PAPPA2: variants seen among roughly 807,000 people sequenced by gnomAD.
The protein encoded by PAPPA2 is pappalysin-2.
PAPPA2 carries 86 observed loss-of-function variants against 176.4 expected under a neutral mutation model. The observed-to-expected ratio is 0.49, with a 90% CI of 0.41 to 0.58. The LOEUF (loss-of-function observed/expected upper bound fraction) is 0.58, where lower values mean the gene tolerates loss of function less well. Among genes scored for constraint, PAPPA2 ranks in the 20% least tolerant of loss-of-function variants. The pLI, the probability that PAPPA2 is intolerant of heterozygous loss-of-function variation, is 0.00. For missense variants in PAPPA2, 2,073 were observed against 2,256.9 expected (o/e 0.92, Z 1.65); for synonymous variants, 809 against 852.2 (o/e 0.95, Z 0.88).
intron 1 of PAPPA2, among the ~76,000 whole-genome samples, chr1:176,492,957 G>T (rs1407623430): frequency 6.6e-6 from 1 of 152,084 alleles, no homozygotes; most frequent in Non-Finnish European, 1.5e-5. Context: ...ATTTTCTGTT[G>T]TGATTCAGGA....
chr1:176,666,559 ATATGTGTGTGTGTGTG>A (rs1658652488), intron 3 of PAPPA2, among the ~76,000 whole-genome samples: 1 of 123,262 alleles, frequency 8.1e-6, no homozygotes, highest in African/African-American at 3.6e-5. Context: ...AAGTAAATAT[ATATGTGTGTGTGTGTG>A]TGTGTGTGTG....
intron 1 of PAPPA2, among the ~76,000 whole-genome samples, chr1:176,483,460 CTTTTTTTTTTTTTTTT>C (rs56705620): frequency 1.6e-3 from 76 of 48,632 alleles, no homozygotes; most frequent in East Asian, 6.8e-3. Context: ...ACTCAGACAT[CTTTTTTTTTTTTTTTT>C]TTTTTTTTTT....
intron 4 of PAPPA2, among the ~76,000 whole-genome samples, chr1:176,681,585 G>A (rs1659588627): frequency 6.6e-6 from 1 of 152,062 alleles, no homozygotes; most frequent in African/African-American, 2.4e-5. Context: ...AAGAATGTCC[G>A]GCATACAGCA....
At chr1:176,580,133 C>A (rs868397965) in intron 2 of PAPPA2, among the ~76,000 whole-genome samples, 1 of 152,118 alleles carries the variant, frequency 6.6e-6, no homozygotes, top group South Asian at 2.1e-4. Flanking sequence ...AATTCTGTAT[C>A]CTTTAGCAAA....
At chr1:176,557,374 G>A (rs1043093935) in intron 2 of PAPPA2, 133 bp downstream of exon 2, 1 of 1,021,704 alleles carries the variant, frequency 9.8e-7, no homozygotes. Flanking sequence ...CAGGGAGAGG[G>A]GGAAGGGCCT....
In PAPPA2 at chr1:176,791,435, C is replaced by T; in HGVS notation, c.4973C>T (p.Ser1658Leu). The T allele has an allele frequency of 6.2e-7, 1 of 1,613,896 alleles. No individual in the cohort carries two copies. The highest frequency in any genetic ancestry group is 1.3e-5 in the African/African-American group (1 of 75,022). Residue 1658 changes from serine to leucine, a missense_variant, in exon 19 of 23, where the codon TCA becomes TTA. Coordinates refer to ENST00000367662, the MANE Select transcript of PAPPA2 (RefSeq NM_020318.3). ...NLQGECPPPP[S>L]ELNSVEYKCE... Reference sequence around the variant, plus strand: ...CAAGGAGAATGCCCACCACCCCCCTCAGAGCTGAATTCTGTGGAGTACAAA... The same window carrying T: ...CAAGGAGAATGCCCACCACCCCCCTTAGAGCTGAATTCTGTGGAGTACAAA...
intron 3 of PAPPA2, among the ~76,000 whole-genome samples, chr1:176,662,200 G>A (rs559693816): frequency 3.9e-5 from 6 of 152,134 alleles, no homozygotes; most frequent in African/African-American, 1.4e-4. Context: ...TGATCCGGGG[G>A]AAGACACTTT....
chr1:176,559,848 A>AC (rs1651556381), intron 2 of PAPPA2, among the ~76,000 whole-genome samples: 1 of 152,118 alleles, frequency 6.6e-6, no homozygotes. Context: ...CTCAACTTAA[A>AC]CCCAGTTTCC....
intron 3 of PAPPA2, among the ~76,000 whole-genome samples, chr1:176,609,478 T>C (rs1411101570): frequency 2.0e-5 from 3 of 152,148 alleles, no homozygotes; most frequent in Non-Finnish European, 4.4e-5. Context: ...AGAGAGTACT[T>C]GCCATGGAAG....
At chr1:176,796,767 TTTCTTTCTTCCC>T in intron 20 of PAPPA2, among the ~76,000 whole-genome samples, 1 of 151,392 alleles carries the variant, frequency 6.6e-6, no homozygotes, top group East Asian at 1.9e-4. Context: ...CTTCTCTTTC[TTTCTTTCTTCCC>T]TTCTTTCTGT....
Position 176,695,839 on chromosome 1 carries a change from G to C in PAPPA2, c.2726G>C (p.Trp909Ser). Residue 909 changes from tryptophan (W) to serine (S), a missense_variant, in exon 7 of 23, where the codon TGG (tryptophan) becomes TCG (serine). Trp to Ser is a radical substitution (Grantham distance 177, BLOSUM62 -3). Around this residue, in one of 4 missense-constraint regions of PAPPA2, gnomAD observed 1,196 missense variants for 1,330.4 expected, o/e 0.90. Coordinates refer to ENST00000367662, the MANE Select transcript of PAPPA2 (RefSeq NM_020318.3). Reference sequence around the variant, plus strand: ...CGGGTGTGTGACTCCTCAGGTTATTGGACCCCAGAGGAGGCTGTGGGTAAA... The same window carrying C: ...CGGGTGTGTGACTCCTCAGGTTATTCGACCCCAGAGGAGGCTGTGGGTAAA... ...SRRVCDSSGY[W>S]TPEEAVGPPD... 1 of 1,613,960 alleles carries C rather than the reference G, an allele frequency of 6.2e-7. No homozygotes were observed. The highest frequency in any genetic ancestry group is 8.5e-7 in the Non-Finnish European group (1 of 1,179,968).
rs1651302324 is a variant in PAPPA2, at chr1:176,556,545, G to A, written c.223G>A (p.Ala75Thr). 1 of 1,614,202 alleles carries A rather than the reference G, an allele frequency of 6.2e-7. No homozygotes were observed. The highest frequency in any genetic ancestry group is 1.1e-5 in the South Asian group (1 of 91,088). Residue 75 changes from alanine (A) to threonine (T), a missense_variant, in exon 2 of 23, where the codon GCT becomes ACT. Ala to Thr is a moderately conservative substitution (Grantham distance 58, BLOSUM62 0). Coordinates refer to ENST00000367662, the MANE Select transcript of PAPPA2 (RefSeq NM_020318.3). ...HHLFGVYPSRAGNYLRPYPVG... is the reference protein window; with the variant it reads ...HHLFGVYPSRTGNYLRPYPVG... ...CCTCTTTGGAGTCTACCCCAGCAGG[G>A]CTGGGAACTACCTAAGGCCCTACCC... is the stretch of plus-strand genomic sequence containing the variant.
chr1:176,683,710 C>A (rs1187622891), intron 4 of PAPPA2, among the ~76,000 whole-genome samples: 2 of 152,004 alleles, frequency 1.3e-5, no homozygotes, highest in Admixed American at 6.6e-5. Flanking sequence ...CACAGGGACA[C>A]CCTCAGGGAA....
intron 21 of PAPPA2, among the ~76,000 whole-genome samples, chr1:176,803,127 T>C (rs1348990524): frequency 6.6e-6 from 1 of 152,198 alleles, no homozygotes; most frequent in African/African-American, 2.4e-5. Context: ...GGGCAAGGAA[T>C]GGCAACTTAG....
chr1:176,837,499 A>C (rs868380397), intron 21 of PAPPA2, among the ~76,000 whole-genome samples: 2 of 122,722 alleles, frequency 1.6e-5, no homozygotes, highest in Non-Finnish European at 3.4e-5. Context: ...AAAAAAAAAA[A>C]CGGGTGTTTT....
intron 2 of PAPPA2, among the ~76,000 whole-genome samples, chr1:176,573,546 A>T (rs534484627): frequency 1.9e-4 from 29 of 152,222 alleles, no homozygotes; most frequent in Non-Finnish European, 3.4e-4. Context: ...CTCCAAAAAA[A>T]TCACGTGTTT....
chr1:176,720,341 T>A (rs2102848216), intron 12 of PAPPA2, among the ~76,000 whole-genome samples: 1 of 152,256 alleles, frequency 6.6e-6, no homozygotes, highest in South Asian at 2.1e-4. Flanking sequence ...ACTTTTAACT[T>A]TTCTTTGTAA....
chr1:176,523,946 T>C (rs144909114), intron 1 of PAPPA2, among the ~76,000 whole-genome samples: 178 of 152,348 alleles, frequency 1.2e-3, no homozygotes, highest in African/African-American at 4.2e-3. Flanking sequence ...TTCAGCCTCA[T>C]TCATACAATT....
rs1445202950 is a variant in PAPPA2, at chr1:176,779,513, CACACACAGAG to C, written c.4715+8335_4715+8344del. Reference sequence around the variant, plus strand: ...ACACACACACACACACACACACACACACACACAGAGAGAGAGAGAGAGAGAGAGGAGTGTG... The same window carrying C: ...ACACACACACACACACACACACACACAGAGAGAGAGAGAGAGAGGAGTGTG... On this transcript the variant is annotated intron_variant, in intron 17 of 22. Coordinates refer to ENST00000367662, the MANE Select transcript of PAPPA2 (RefSeq NM_020318.3). 2.1e-4 allele frequency among the ~76,000 whole-genome samples: 25 copies of C among 120,430 alleles called. 1 individual carries two copies. Among genetic ancestry groups the C allele is most frequent in the Middle Eastern group, 0.01 (2 of 192 alleles). 79.0% of individuals were successfully genotyped at this position (120,430 alleles called of 152,430 possible).
Sources: allele counts gnomAD v4.1 joint callset (sites outside exome capture counted in the v4.1 genomes callset), GRCh38; gene constraint gnomAD v4.1.1; regional missense constraint gnomAD v4.1.1; transcripts MANE v1.5; gene names NCBI Gene and HGNC (gene_info 2026-07-23, HGNC 2026-07-21).